AGPS: variants seen among roughly 807,000 people sequenced by gnomAD.
The protein encoded by AGPS is alkyldihydroxyacetonephosphate synthase, peroxisomal.
In AGPS, 26 loss-of-function variants were observed where a neutral mutation model predicts 90.7. The observed-to-expected ratio is 0.29, with a 90% CI of 0.21 to 0.40. AGPS has a LOEUF of 0.40. Among genes scored for constraint, AGPS ranks in the 10% least tolerant of loss-of-function variants. The pLI is 1.00. For synonymous variants in AGPS, 294 were observed against 285.3 expected, an observed-to-expected ratio of 1.03 and a Z score of -0.31; for missense variants, 540 against 816.1, an observed-to-expected ratio of 0.66 and a Z score of 4.12.
rs192029607 is a variant in AGPS, at chr2:177,515,514, C to T, written c.1697+1606C>T. ...GTTCCTGTTCAACATCTCTTAAGAA[C>T]CCCACCCCCGCTGTAACATTATGAA... On this transcript the variant is annotated intron_variant, in intron 17 of 19. Transcript: ENST00000264167. 6.4e-3 allele frequency among the ~76,000 whole-genome samples: 972 copies of T among 151,410 alleles called. 6 individuals are homozygous for T. Among genetic ancestry groups the T allele is most frequent in the South Asian group, 0.023 (111 of 4,788 alleles).
At chr2:177,467,239 A>G (rs1196155875) in intron 9 of AGPS, among the ~76,000 whole-genome samples, 2 of 152,212 alleles carry the variant, frequency 1.3e-5, no homozygotes, top group African/African-American at 4.8e-5. Context: ...AAATTATGTC[A>G]TCAATATATT....
At position 177,538,499 on chromosome 2, in the gene AGPS, T is replaced by C; in HGVS notation, c.*304T>C. ...GGAAGCTGCTGCCAGCTGTTTTGTA[T>C]TGTTGCTTCCTCTTGGGGAACAAAG... On this transcript the variant is annotated 3_prime_UTR_variant, in exon 20 of 20. Coordinates refer to ENST00000264167, the MANE Select transcript of AGPS (RefSeq NM_003659.4). 1.1e-5 allele frequency: 4 copies of C among 379,968 alleles called. No individual in the cohort carries two copies. The highest frequency in any genetic ancestry group is 1.5e-5 in the Non-Finnish European group (3 of 204,288). 23.5% of individuals were successfully genotyped at this position (379,968 alleles called of 1,614,324 possible).
intron 1 of AGPS, among the ~76,000 whole-genome samples, chr2:177,408,129 G>A (rs779320522): frequency 8.5e-5 from 13 of 152,234 alleles, no homozygotes; most frequent in Non-Finnish European, 1.3e-4. Context: ...AGGAAGGAAG[G>A]TAAGAACCCA....
intron 17 of AGPS, among the ~76,000 whole-genome samples, chr2:177,516,395 T>A (rs554323102): frequency 0.021 from 3,257 of 152,208 alleles, 78 homozygotes; most frequent in South Asian, 0.055. Flanking sequence ...AAAATTTTTT[T>A]AATTAAAGAA....
chr2:177,469,594 T>C (rs2105676903), intron 10 of AGPS, among the ~76,000 whole-genome samples: 1 of 152,294 alleles, frequency 6.6e-6, no homozygotes, highest in East Asian at 1.9e-4. Flanking sequence ...ACTATATTTG[T>C]AATAAGAAAA....
At chr2:177,516,302 T>C (rs1689021268) in intron 17 of AGPS, among the ~76,000 whole-genome samples, 2 of 152,160 alleles carry the variant, frequency 1.3e-5, no homozygotes, top group South Asian at 2.1e-4. Flanking sequence ...AGTCCAAACT[T>C]TTCTGAAGAC....
chr2:177,495,987 G>A (rs1688403830), intron 12 of AGPS, among the ~76,000 whole-genome samples: 1 of 150,332 alleles, frequency 6.7e-6, no homozygotes, highest in African/African-American at 2.4e-5. Context: ...ATATTGTTAG[G>A]CAACATATTT....
intron 8 of AGPS, among the ~76,000 whole-genome samples, chr2:177,446,688 T>C (rs1434152024): frequency 3.3e-5 from 5 of 152,158 alleles, no homozygotes; most frequent in Admixed American, 1.3e-4. Flanking sequence ...GTGGTCTATG[T>C]AAGGGTGGAC....
At chr2:177,489,121 A>C (rs886092856) in intron 11 of AGPS, among the ~76,000 whole-genome samples, 36 of 137,606 alleles carry the variant, frequency 2.6e-4, no homozygotes, top group Non-Finnish European at 4.1e-4. Context: ...GTCTCGCTCT[A>C]TTGCCCAGGC....
intron 5 of AGPS, 31 bp from the exon 6 acceptor site, chr2:177,440,932 CTG>C (rs1384288324): frequency 6.4e-7 from 1 of 1,566,650 alleles, no homozygotes; most frequent in Non-Finnish European, 8.8e-7. Flanking sequence ...ATTTATGCCT[CTG>C]TAATTAATTT....
chr2:177,456,688 A>G (rs1005819598), intron 8 of AGPS, among the ~76,000 whole-genome samples: 1 of 152,178 alleles, frequency 6.6e-6, no homozygotes, highest in African/African-American at 2.4e-5. Flanking sequence ...GAAGTAACCT[A>G]CCTGACAAAA....
chr2:177,522,199 C>T (rs1689214854), intron 18 of AGPS, among the ~76,000 whole-genome samples: 1 of 152,052 alleles, frequency 6.6e-6, no homozygotes, highest in South Asian at 2.1e-4. Flanking sequence ...AGAATAATAT[C>T]ATTCCCAAAA....
At chr2:177,524,991 C>T (rs1046545860) in intron 19 of AGPS, among the ~76,000 whole-genome samples, 1 of 152,130 alleles carries the variant, frequency 6.6e-6, no homozygotes, top group African/African-American at 2.4e-5. Context: ...TTCTCTTAAC[C>T]CCCACAAATG....
chr2:177,533,598 C>G (rs1337678131), intron 19 of AGPS, among the ~76,000 whole-genome samples: 1 of 152,132 alleles, frequency 6.6e-6, no homozygotes, highest in African/African-American at 2.4e-5. Flanking sequence ...AATTTTATGT[C>G]TATAACTTAA....
At chr2:177,395,766 T>C (rs1574335113) in intron 1 of AGPS, among the ~76,000 whole-genome samples, 1 of 152,260 alleles carries the variant, frequency 6.6e-6, no homozygotes, top group Non-Finnish European at 1.5e-5. Flanking sequence ...ATGATAACAT[T>C]GCTTGTAATT....
rs1197403112 is a variant in AGPS at position 177,539,361 on chromosome 2, T to C, written c.*1166T>C. Reference sequence around the variant, plus strand: ...AGTTTGAAATATCCTGTTTCTTAAATAATGAGAACATTAATCACATTTAGC... The same window carrying C: ...AGTTTGAAATATCCTGTTTCTTAAACAATGAGAACATTAATCACATTTAGC... On this transcript the variant is annotated 3_prime_UTR_variant, in exon 20 of 20. Coordinates refer to ENST00000264167, the MANE Select transcript of AGPS (RefSeq NM_003659.4). 6.6e-6 allele frequency: 1 copy of C among 152,044 alleles called. No individual in the cohort carries two copies. Among genetic ancestry groups the C allele is most frequent in the East Asian group, 1.9e-4 (1 of 5,182 alleles). The allele number at this position is 152,044 out of a possible 1,614,324, so 9.4% of individuals were successfully genotyped here.
Position 177,460,747 on chromosome 2 carries a change from C to T in AGPS, c.871-1146C>T, listed in dbSNP as rs3769998. On this transcript the variant is annotated intron_variant, in intron 8 of 19. Transcript: ENST00000264167. ...AACAGTCTGATAATCTTCATTTTAA[C>T]CTCTTCAGCCATTTATTTAAGCTTC... Among the ~76,000 whole-genome samples the T allele has an allele frequency of 2.9e-3, 445 of 152,160 alleles. 16 individuals carry two copies. The East Asian group carries it at 0.07, about 24-fold the overall frequency.
chr2:177,519,271 T>C (rs561127971), intron 17 of AGPS, among the ~76,000 whole-genome samples: 1 of 152,352 alleles, frequency 6.6e-6, no homozygotes, highest in African/African-American at 2.4e-5. Context: ...CTTAGTAATA[T>C]TGGCATTTGT....
chr2:177,438,383 C>T (rs1310675387), intron 5 of AGPS, among the ~76,000 whole-genome samples: 1 of 152,082 alleles, frequency 6.6e-6, no homozygotes, highest in Non-Finnish European at 1.5e-5. Context: ...TCCCTCATGT[C>T]TTAAAAAACA....
Sources: gnomAD v4.1 joint callset for allele counts (sites outside exome capture counted in the v4.1 genomes callset) on GRCh38, gnomAD v4.1.1 for gene constraint, MANE v1.5 for transcripts, NCBI Gene and HGNC (gene_info 2026-07-23, HGNC 2026-07-21) for gene names.